AGBL4: variants seen among roughly 807,000 people sequenced by gnomAD.
AGBL4 encodes the protein cytosolic carboxypeptidase 6.
AGBL4 carries 58 observed loss-of-function variants against 66.4 expected under a neutral mutation model. That is an observed-to-expected ratio of 0.87 (90% CI 0.71 to 1.09). The LOEUF is 1.09. Ranked by LOEUF, AGBL4 falls within the 50% of genes least tolerant of loss-of-function variation. The pLI is 0.00. For missense variants in AGBL4, 579 were observed against 631.0 expected (o/e 0.92, Z 0.88); for synonymous variants, 234 against 222.9 (o/e 1.05, Z -0.44).
At chr1:48,795,189 C>T (rs1645642464) in intron 6 of AGBL4, among the ~76,000 whole-genome samples, 1 of 152,174 alleles carries the variant, frequency 6.6e-6, no homozygotes, top group Admixed American at 6.5e-5. Flanking sequence ...TGATCATGCT[C>T]AAATGCAAAT....
chr1:49,378,449 C>A (rs1570566810), intron 3 of AGBL4, among the ~76,000 whole-genome samples: 1 of 151,902 alleles, frequency 6.6e-6, no homozygotes, highest in East Asian at 1.9e-4. Flanking sequence ...GGAGATTACA[C>A]TAGGAATAGT....
chr1:48,886,677 C>T (rs554058382), intron 5 of AGBL4, among the ~76,000 whole-genome samples: 6 of 152,168 alleles, frequency 3.9e-5, no homozygotes, highest in South Asian at 2.1e-4. Flanking sequence ...CCCAGCCTCC[C>T]GAGTAGCTGG....
rs1387355913 is a variant in AGBL4 at position 49,798,915 on chromosome 1, C to A, written c.157+52481G>T. ...GGTTGCAGATAAAATCATATTAATT[C>A]TTCAAAATTATAGCTACTTATCTTT... is the stretch of plus-strand genomic sequence containing the variant. On this transcript the variant is annotated intron_variant, in intron 2 of 13. Transcript: ENST00000371839. Among the ~76,000 whole-genome samples, 3 of 152,046 alleles carry A rather than the reference C, an allele frequency of 2.0e-5. No homozygotes were observed. In the East Asian group the frequency reaches 5.8e-4, roughly 29 times the overall value.
At chr1:49,358,569 T>C (rs925786341) in intron 3 of AGBL4, among the ~76,000 whole-genome samples, 2 of 152,120 alleles carry the variant, frequency 1.3e-5, no homozygotes, top group African/African-American at 4.8e-5. Context: ...GAGATAACCA[T>C]CCTTTGCTTG....
Position 49,581,135 on chromosome 1 carries a change from T to C in AGBL4, c.282+116178A>G, listed in dbSNP as rs374606557. On this transcript the variant is annotated intron_variant, in intron 3 of 13. Coordinates refer to ENST00000371839, the MANE Select transcript of AGBL4 (RefSeq NM_032785.4). ...TTCTTCTGCTTGGTTTGGTCTGTTG[T>C]TGAAGCTTTTGCACATATTTTATAT... 2.5e-4 allele frequency among the ~76,000 whole-genome samples: 38 copies of C among 152,178 alleles called. 2 individuals carry two copies. The highest frequency in any genetic ancestry group is 9.1e-4 in the African/African-American group (38 of 41,550).
At chr1:48,620,040 A>G (rs531721891) in intron 9 of AGBL4, among the ~76,000 whole-genome samples, 1 of 152,312 alleles carries the variant, frequency 6.6e-6, no homozygotes, top group Admixed American at 6.5e-5. Context: ...GAATGAAGGA[A>G]ATCGGCTTGC....
chr1:49,813,207 A>C (rs1645144316), intron 2 of AGBL4, among the ~76,000 whole-genome samples: 1 of 152,156 alleles, frequency 6.6e-6, no homozygotes, highest in South Asian at 2.1e-4. Context: ...AGAAACCCAC[A>C]ACTCAGTGAA....
intron 1 of AGBL4, among the ~76,000 whole-genome samples, chr1:49,938,884 T>C (rs1225709937): frequency 6.6e-6 from 1 of 152,082 alleles, no homozygotes; most frequent in African/African-American, 2.4e-5. Context: ...ATAAAGGGTA[T>C]TCAATTAGGA....
At chr1:48,956,037 G>T (rs1164721312) in intron 5 of AGBL4, among the ~76,000 whole-genome samples, 1 of 152,156 alleles carries the variant, frequency 6.6e-6, no homozygotes, top group African/African-American at 2.4e-5. Flanking sequence ...CTGCAATAGG[G>T]AGCAAAAAAG....
chr1:48,722,675 C>A (rs1422833718), intron 6 of AGBL4, among the ~76,000 whole-genome samples: 1 of 152,138 alleles, frequency 6.6e-6, no homozygotes. Flanking sequence ...GTAACATTTC[C>A]CTCACCACAT....
chr1:48,827,761 G>A (rs571055560), intron 6 of AGBL4, among the ~76,000 whole-genome samples: 1 of 152,164 alleles, frequency 6.6e-6, no homozygotes, highest in African/African-American at 2.4e-5. Flanking sequence ...CAGGCTGGGG[G>A]ATGAGACAAA....
At chr1:49,228,235 C>T (rs1287641217) in intron 4 of AGBL4, among the ~76,000 whole-genome samples, 1 of 152,162 alleles carries the variant, frequency 6.6e-6, no homozygotes, top group Non-Finnish European at 1.5e-5. Flanking sequence ...TTGTCAGGCA[C>T]TGTTCTAGGT....
intron 2 of AGBL4, chr1:49,841,882 C>T: frequency 1.6e-6 from 1 of 614,516 alleles, no homozygotes; most frequent in Admixed American, 2.1e-5. Context: ...TGCCAGAAGC[C>T]AGGGCATGAC....
chr1:48,931,058 A>T (rs1194512873), intron 5 of AGBL4, among the ~76,000 whole-genome samples: 1 of 152,332 alleles, frequency 6.6e-6, no homozygotes, highest in African/African-American at 2.4e-5. Context: ...TTATGATAAC[A>T]AAATTGAGCC....
intron 1 of AGBL4, among the ~76,000 whole-genome samples, chr1:49,971,907 GTTTTTTTTT>G (rs745772850): frequency 1.3e-4 from 3 of 23,426 alleles, no homozygotes; most frequent in Admixed American, 9.9e-4. Flanking sequence ...GTTTTTTTGG[GTTTTTTTTT>G]TTTTTTTTTT....
At chr1:49,552,002 A>G (rs970315893) in intron 3 of AGBL4, among the ~76,000 whole-genome samples, 8 of 152,114 alleles carry the variant, frequency 5.3e-5, no homozygotes, top group Admixed American at 4.6e-4. Flanking sequence ...TGAGGTTCCC[A>G]GGTCGATGGA....
At chr1:49,874,108 C>A (rs1646909365) in intron 1 of AGBL4, among the ~76,000 whole-genome samples, 1 of 151,896 alleles carries the variant, frequency 6.6e-6, no homozygotes, top group South Asian at 2.1e-4. Context: ...GGTAATTTAA[C>A]CTGAAAATAA....
intron 1 of AGBL4, among the ~76,000 whole-genome samples, chr1:49,943,667 C>T (rs1401215449): frequency 6.6e-6 from 1 of 151,784 alleles, no homozygotes; most frequent in Non-Finnish European, 1.5e-5. Flanking sequence ...TTCTGCCTTG[C>T]CTCACAAAGG....
chr1:48,576,048 C>T (rs1300189040), intron 11 of AGBL4, among the ~76,000 whole-genome samples: 1 of 152,210 alleles, frequency 6.6e-6, no homozygotes, highest in African/African-American at 2.4e-5. Flanking sequence ...ACTCCCTCTG[C>T]TTCATGAGAG....
Sources: gnomAD v4.1 joint callset for allele counts (sites outside exome capture counted in the v4.1 genomes callset) on GRCh38, gnomAD v4.1.1 for gene constraint, MANE v1.5 for transcripts, NCBI Gene and HGNC (gene_info 2026-07-23, HGNC 2026-07-21) for gene names.